Variants in OR2AG1 observed in about 807,000 individuals in gnomAD.
OR2AG1 encodes olfactory receptor family 2 subfamily AG member 1.
For missense variants in OR2AG1, 391 were observed against 385.9 expected (o/e 1.01, Z -0.11); for synonymous variants, 157 against 155.6 (o/e 1.01, Z -0.07).
At position 6,789,044 on chromosome 11, in the gene OR2AG1, G is replaced by T. The variant is rs1439200668; in HGVS notation, c.*3056G>T. The T allele has an allele frequency of 6.7e-6, 1 of 149,828 alleles. No individual in the cohort carries two copies. Among genetic ancestry groups the T allele is most frequent in the Non-Finnish European group, 1.5e-5 (1 of 67,604 alleles). The allele number at this position is 149,828 out of a possible 1,614,324, so 9.3% of individuals were successfully genotyped here. A position where few individuals can be genotyped will look rare whatever the true frequency, so the allele number is the denominator to read the frequency against. The stretch of plus-strand genomic sequence containing the variant: ...CACAGGAAAAAAAAAAAATACAAAG[G>T]GAACACTTATGCCCATTTTCTCCTC... On this transcript the variant is annotated 3_prime_UTR_variant, in exon 2 of 2. Transcript: ENST00000641258.
Position 6,785,323 on chromosome 11 carries a change from G to A in OR2AG1, c.286G>A (p.Gly96Ser). 1.2e-6 allele frequency: 2 copies of A among 1,614,166 alleles called. No individual in the cohort carries two copies. Among genetic ancestry groups the A allele is most frequent in the Non-Finnish European group, 1.7e-6 (2 of 1,180,038 alleles). ...LRRENTISFG[G>S]CALQMFLALT... ...CAGAGAAAACACCATCTCCTTTGGAGGCTGTGCCCTTCAGATGTTCCTGGC... is the reference window on the plus strand; with the variant it reads ...CAGAGAAAACACCATCTCCTTTGGAAGCTGTGCCCTTCAGATGTTCCTGGC... Residue 96 changes from glycine (G) to serine (S), a missense_variant, in exon 2 of 2, where the codon GGC becomes AGC. Coordinates refer to ENST00000641258, the MANE Select transcript of OR2AG1 (RefSeq NM_001004489.3).
In OR2AG1 at chr11:6,785,983, C is replaced by G. The variant is rs1847623937; in HGVS notation, c.946C>G (p.Leu316Val). The G allele has an allele frequency of 3.7e-6, 6 of 1,604,328 alleles. No individual in the cohort carries two copies. Among genetic ancestry groups the G allele is most frequent in the Non-Finnish European group, 5.1e-6 (6 of 1,174,228 alleles). ...GKYMLPAHST[L>V] is the part of the protein sequence containing the mutation. ...ATACATGCTGCCAGCACACTCCACGCTCTAGGGAAGGATCATGGCTAGCTT... is the reference window on the plus strand; with the variant it reads ...ATACATGCTGCCAGCACACTCCACGGTCTAGGGAAGGATCATGGCTAGCTT... The change falls in exon 2 of 2, where the codon CTC becomes GTC. Residue 316 changes from leucine (L) to valine (V), a missense_variant. Physicochemically the swap from Leu to Val is conservative, Grantham distance 32. Transcript: ENST00000641258.
rs1195506953 is a variant in OR2AG1, at chr11:6,788,672, G to A, written c.*2684G>A. ...TACTTCTGGAACCTAGTCTCAGTCA[G>A]TTTTAAAATGAACATTCCACACCAT... On this transcript the variant is annotated 3_prime_UTR_variant, in exon 2 of 2. Transcript: ENST00000641258. 6.6e-6 allele frequency: 1 copy of A among 152,082 alleles called. No homozygotes were observed. The highest frequency in any genetic ancestry group is 1.5e-5 in the Non-Finnish European group (1 of 68,010). 9.4% of individuals were successfully genotyped at this position (152,082 alleles called of 1,614,324 possible). A position where few individuals can be genotyped will look rare whatever the true frequency, so the allele number is the denominator to read the frequency against.
In OR2AG1 at chr11:6,786,196, A is replaced by T; in HGVS notation, c.*208A>T. ...GGCATGATTTACACTATCTAAAATT[A>T]CTCTTCACTCTATTTAAAATTTAAT... On this transcript the variant is annotated 3_prime_UTR_variant, in exon 2 of 2. Transcript: ENST00000641258. 2.2e-6 allele frequency: 1 copy of T among 465,008 alleles called. No homozygotes were observed. The highest frequency in any genetic ancestry group is 5.6e-5 in the South Asian group (1 of 17,716). The allele number at this position is 465,008 out of a possible 1,614,324, so 28.8% of individuals were successfully genotyped here.
chr11:6,786,119 A>G lies in OR2AG1; in HGVS notation c.*131A>G. On this transcript the variant is annotated 3_prime_UTR_variant, in exon 2 of 2. Transcript: ENST00000641258. ...TTTAATAGAAAAGTGAAGGAATGTA[A>G]CTGGATTTGTCAAATGCTCTTTAAA... The G allele has an allele frequency of 1.4e-6, 1 of 689,916 alleles. No individual in the cohort carries two copies. Among genetic ancestry groups the G allele is most frequent in the Non-Finnish European group, 2.4e-6 (1 of 423,292 alleles). 42.7% of individuals were successfully genotyped at this position (689,916 alleles called of 1,614,324 possible). A position where few individuals can be genotyped will look rare whatever the true frequency, so the allele number is the denominator to read the frequency against.
rs527385563 is a variant in OR2AG1, at chr11:6,788,024, T to A, written c.*2036T>A. ...AGTTTTCTTATTGATTTGTTGAAGTTTTTTTACAGGTTAGGAACACGGAGA... is the reference window on the plus strand; with the variant it reads ...AGTTTTCTTATTGATTTGTTGAAGTATTTTTACAGGTTAGGAACACGGAGA... On this transcript the variant is annotated 3_prime_UTR_variant, in exon 2 of 2. Coordinates refer to ENST00000641258, the MANE Select transcript of OR2AG1 (RefSeq NM_001004489.3). The A allele has an allele frequency of 6.6e-6, 1 of 152,282 alleles. No homozygotes were observed. Among genetic ancestry groups the A allele is most frequent in the East Asian group, 1.9e-4 (1 of 5,194 alleles). The allele number at this position is 152,282 out of a possible 1,614,324, so 9.4% of individuals were successfully genotyped here. A position where few individuals can be genotyped will look rare whatever the true frequency, so the allele number is the denominator to read the frequency against.
Position 6,786,046 on chromosome 11 carries a change from T to C in OR2AG1, c.*58T>C. 13 of 1,337,876 alleles carry C rather than the reference T, an allele frequency of 9.7e-6. No individual in the cohort carries two copies. Among genetic ancestry groups the C allele is most frequent in the Non-Finnish European group, 1.4e-5 (13 of 957,652 alleles). The allele number at this position is 1,337,876 out of a possible 1,614,324, so 82.9% of individuals were successfully genotyped here. ...CTCCTGAGAGTCAAAAGATTCATGT[T>C]ATGAATCAAATACTAATGGTAAAAC... On this transcript the variant is annotated 3_prime_UTR_variant, in exon 2 of 2. Transcript: ENST00000641258.
rs1442516935 is a variant in OR2AG1, at chr11:6,790,420, G to A, written c.*4432G>A. On this transcript the variant is annotated 3_prime_UTR_variant, in exon 2 of 2. Transcript: ENST00000641258. ...TGTTCTCACAACACACACGCACAGA[G>A]GGTAAGTATGTAAGGTGATTGATAT... 2 of 152,188 alleles carry A rather than the reference G, an allele frequency of 1.3e-5. No individual in the cohort carries two copies. Among genetic ancestry groups the A allele is most frequent in the African/African-American group, 4.8e-5 (2 of 41,432 alleles). The allele number at this position is 152,188 out of a possible 1,614,324, so 9.4% of individuals were successfully genotyped here.
At position 6,785,047 on chromosome 11, in the gene OR2AG1, T is replaced by G. The variant is rs1232523735; in HGVS notation, c.10T>G (p.Trp4Gly). Reference sequence around the variant, plus strand: ...TGAAAGAAACCACAGCATGGAGCTCTGGAACTTCACCTTGGGAAGTGGCTT... The same window carrying G: ...TGAAAGAAACCACAGCATGGAGCTCGGGAACTTCACCTTGGGAAGTGGCTT... MELWNFTLGSGFIL... is the reference protein window; with the variant it reads MELGNFTLGSGFIL... Residue 4 changes from tryptophan (W) to glycine (G), a missense_variant, in exon 2 of 2, where the codon TGG (tryptophan) becomes GGG (glycine). Transcript: ENST00000641258. 1 of 1,605,612 alleles carries G rather than the reference T, an allele frequency of 6.2e-7. No homozygotes were observed. Among genetic ancestry groups the G allele is most frequent in the Middle Eastern group, 1.7e-4 (1 of 6,020 alleles).
At position 6,785,688 on chromosome 11, in the gene OR2AG1, C is replaced by T. The variant is rs1847618852; in HGVS notation, c.651C>T (p.Ser217=). 4 of 1,614,012 alleles carry T rather than the reference C, an allele frequency of 2.5e-6. No individual in the cohort carries two copies. Among genetic ancestry groups the T allele is most frequent in the Admixed American group, 1.7e-5 (1 of 59,994 alleles). Residue 217 remains serine, a synonymous_variant, in exon 2 of 2, where the codon TCC becomes TCT. Transcript: ENST00000641258. ...CCTCTCTTGCTGCTATACTGGCCTCCTATACACAAATTCTACTCACTGTGC... is the reference window on the plus strand; with the variant it reads ...CCTCTCTTGCTGCTATACTGGCCTCTTATACACAAATTCTACTCACTGTGC... The part of the protein sequence containing the change: ...LIPSLAAILA[S]YTQILLTVLH...
At chr11:6,783,979 G>A (rs1847597809) in intron 1 of OR2AG1, among the ~76,000 whole-genome samples, 1 of 152,198 alleles carries the variant, frequency 6.6e-6, no homozygotes, top group Non-Finnish European at 1.5e-5. Context: ...GTTCACAGTT[G>A]GCTTTATCTA....
rs1284191830 is a variant in OR2AG1 at position 6,790,217 on chromosome 11, A to G, written c.*4229A>G. ...AAAAGAGTCTAACTCAGTAATAGAG[A>G]GTACAGTGGTGTTTGCCAAGGGTTT... is the stretch of plus-strand genomic sequence containing the variant. On this transcript the variant is annotated 3_prime_UTR_variant, in exon 2 of 2. Coordinates refer to ENST00000641258, the MANE Select transcript of OR2AG1 (RefSeq NM_001004489.3). 5 of 152,242 alleles carry G rather than the reference A, an allele frequency of 3.3e-5. No individual in the cohort carries two copies. Among genetic ancestry groups the G allele is most frequent in the Admixed American group, 2.6e-4 (4 of 15,284 alleles). 9.4% of individuals were successfully genotyped at this position (152,242 alleles called of 1,614,324 possible).
rs1847611352 is a variant in OR2AG1 at position 6,785,233 on chromosome 11, C to T, written c.196C>T (p.Leu66Phe). 9 of 1,614,010 alleles carry T rather than the reference C, an allele frequency of 5.6e-6. No homozygotes were observed. The highest frequency in any genetic ancestry group is 1.7e-5 in the Admixed American group (1 of 59,988). ...GCCCATGTACCTCCTGCTTGGGCAGCTCTCTCTCATGGACCTCCTGTTCAC... is the reference window on the plus strand; with the variant it reads ...GCCCATGTACCTCCTGCTTGGGCAGTTCTCTCTCATGGACCTCCTGTTCAC... ...HMPMYLLLGQ[L>F]SLMDLLFTSV... Residue 66 changes from leucine (L) to phenylalanine (F), a missense_variant, in exon 2 of 2, where the codon CTC becomes TTC. Coordinates refer to ENST00000641258, the MANE Select transcript of OR2AG1 (RefSeq NM_001004489.3).
At position 6,785,034 on chromosome 11, in the gene OR2AG1, C is replaced by T. The variant is rs754737451; in HGVS notation, c.-4C>T. 1.3e-6 allele frequency: 2 copies of T among 1,580,104 alleles called. No individual in the cohort carries two copies. The highest frequency in any genetic ancestry group is 1.1e-5 in the South Asian group (1 of 87,600). ...TTGTTCTAGGTGATGAAAGAAACCA[C>T]AGCATGGAGCTCTGGAACTTCACCT... On this transcript the variant is annotated 5_prime_UTR_variant, in exon 2 of 2. Coordinates refer to ENST00000641258, the MANE Select transcript of OR2AG1 (RefSeq NM_001004489.3).
Position 6,787,342 on chromosome 11 carries a change from T to G in OR2AG1, c.*1354T>G, listed in dbSNP as rs1179778899. ...GAAGTTAGAATTGAATACACCCCAC[T>G]TATTTCTATAACTTTTAGCATATTA... On this transcript the variant is annotated 3_prime_UTR_variant, in exon 2 of 2. Transcript: ENST00000641258. 1 of 152,300 alleles carries G rather than the reference T, an allele frequency of 6.6e-6. No individual in the cohort carries two copies. Among genetic ancestry groups the G allele is most frequent in the East Asian group, 1.9e-4 (1 of 5,192 alleles). 9.4% of individuals were successfully genotyped at this position (152,300 alleles called of 1,614,324 possible). A position where few individuals can be genotyped will look rare whatever the true frequency, so the allele number is the denominator to read the frequency against.
At position 6,789,671 on chromosome 11, in the gene OR2AG1, A is replaced by G. The variant is rs1340310214; in HGVS notation, c.*3683A>G. On this transcript the variant is annotated 3_prime_UTR_variant, in exon 2 of 2. Transcript: ENST00000641258. Reference sequence around the variant, plus strand: ...CATCTCAGAAAACAAACAAACAAACAAACAAAAAAACAAAAAACAACGAGA... The same window carrying G: ...CATCTCAGAAAACAAACAAACAAACGAACAAAAAAACAAAAAACAACGAGA... The G allele has an allele frequency of 1.3e-5, 2 of 155,312 alleles. No individual in the cohort carries two copies. The allele number at this position is 155,312 out of a possible 1,614,324, so 9.6% of individuals were successfully genotyped here. A position where few individuals can be genotyped will look rare whatever the true frequency, so the allele number is the denominator to read the frequency against.
chr11:6,788,957 A>T lies in OR2AG1; in HGVS notation c.*2969A>T, dbSNP rs1310908695. 1 of 150,090 alleles carries T rather than the reference A, an allele frequency of 6.7e-6. No homozygotes were observed. The highest frequency in any genetic ancestry group is 2.5e-5 in the African/African-American group (1 of 39,988). The allele number at this position is 150,090 out of a possible 1,614,324, so 9.3% of individuals were successfully genotyped here. ...AAATAAATAAATAAATAAATAAAGTAAGAAGTCTTTGCATGACTCCAATCC... is the reference window on the plus strand; with the variant it reads ...AAATAAATAAATAAATAAATAAAGTTAGAAGTCTTTGCATGACTCCAATCC... On this transcript the variant is annotated 3_prime_UTR_variant, in exon 2 of 2. Coordinates refer to ENST00000641258, the MANE Select transcript of OR2AG1 (RefSeq NM_001004489.3).
In OR2AG1 at chr11:6,785,869, T is replaced by C; in HGVS notation, c.832T>C (p.Tyr278His). The change falls in exon 2 of 2, where the codon TAC becomes CAC. Residue 278 changes from tyrosine to histidine, a missense_variant. Transcript: ENST00000641258. ...TRQDNIISVF[Y>H]TIVTPALNPL... ...ACAAGACAACATCATCTCTGTTTTC[T>C]ACACAATTGTCACTCCAGCCCTGAA... 1 of 1,614,126 alleles carries C rather than the reference T, an allele frequency of 6.2e-7. No homozygotes were observed. Among genetic ancestry groups the C allele is most frequent in the Non-Finnish European group, 8.5e-7 (1 of 1,180,014 alleles).
At position 6,790,296 on chromosome 11, in the gene OR2AG1, T is replaced by C. The variant is rs968230860; in HGVS notation, c.*4308T>C. The C allele has an allele frequency of 1.3e-5, 2 of 152,228 alleles. No individual in the cohort carries two copies. The highest frequency in any genetic ancestry group is 1.3e-4 in the Admixed American group (2 of 15,280). The allele number at this position is 152,228 out of a possible 1,614,324, so 9.4% of individuals were successfully genotyped here. ...ATTAGTCAACAGATACAAACTTTTA[T>C]TTTTAAGATGAATAATTTCTGAGGT... On this transcript the variant is annotated 3_prime_UTR_variant, in exon 2 of 2. Transcript: ENST00000641258.
Sources: gnomAD v4.1 joint callset for allele counts (sites outside exome capture counted in the v4.1 genomes callset) on GRCh38, gnomAD v4.1.1 for gene constraint, MANE v1.5 for transcripts, NCBI Gene and HGNC (gene_info 2026-07-23, HGNC 2026-07-21) for gene names.